Variants in MAP4K4 observed in about 807,000 individuals in gnomAD.
The protein encoded by MAP4K4 is HPK/GCK-like kinase HGK.
In MAP4K4, 38 loss-of-function variants were observed where a neutral mutation model predicts 189.6. That is an observed-to-expected ratio of 0.20 (90% CI 0.15 to 0.26). The LOEUF (loss-of-function observed/expected upper bound fraction) is 0.26. Among genes scored for constraint, MAP4K4 ranks in the 10% least tolerant of loss-of-function variants. The probability of loss-of-function intolerance (pLI) is 1.00; values close to 1 mark genes in which losing one functional copy is unlikely to be tolerated. For missense variants in MAP4K4, 1,054 were observed against 1,726.9 expected (o/e 0.61, Z 6.91); for synonymous variants, 610 against 624.3 (o/e 0.98, Z 0.34).
At chr2:101,886,748 A>G (rs1329242904) in intron 29 of MAP4K4, among the ~76,000 whole-genome samples, 1 of 152,198 alleles carries the variant, frequency 6.6e-6, no homozygotes, top group Non-Finnish European at 1.5e-5. Context: ...ATCTATTAGA[A>G]GTAAGTTCTC....
rs1035720370 is a variant in MAP4K4, at chr2:101,797,823, GT to G, written c.180+7054del. Among the ~76,000 whole-genome samples, 14 of 134,550 alleles carry G rather than the reference GT, an allele frequency of 1.0e-4. No homozygotes were observed. In the East Asian group the frequency reaches 3.2e-3, roughly 30 times the overall value. The allele number at this position is 134,550 out of a possible 152,430, so 88.3% of individuals were successfully genotyped here. A position where few individuals can be genotyped will look rare whatever the true frequency, so the allele number is the denominator to read the frequency against. ...CACTGTATCCTCATATATTACAGCA[GT>G]TTTTTTCAACCTTCCGTTTTTTTGA... On this transcript the variant is annotated intron_variant, in intron 3 of 32. Transcript: ENST00000324219.
At chr2:101,747,117 TTTTG>T (rs903909654) in intron 2 of MAP4K4, among the ~76,000 whole-genome samples, 1 of 152,048 alleles carries the variant, frequency 6.6e-6, no homozygotes, top group African/African-American at 2.4e-5. Context: ...TATTCTTTTT[TTTTG>T]TTTGTTTTGT....
chr2:101,722,637 G>C (rs2052834582), intron 2 of MAP4K4, among the ~76,000 whole-genome samples: 1 of 152,168 alleles, frequency 6.6e-6, no homozygotes, highest in African/African-American at 2.4e-5. Context: ...CTTCCTTTGA[G>C]AGTGTATTGT....
intron 29 of MAP4K4, among the ~76,000 whole-genome samples, chr2:101,886,642 A>G (rs2098485871): frequency 6.6e-6 from 1 of 152,232 alleles, no homozygotes; most frequent in Non-Finnish European, 1.5e-5. Flanking sequence ...CAAAAACGTA[A>G]TAAAGACTAA....
At chr2:101,707,953 G>A (rs1345441859) in intron 2 of MAP4K4, among the ~76,000 whole-genome samples, 4 of 150,982 alleles carry the variant, frequency 2.6e-5, no homozygotes, top group African/African-American at 9.8e-5. Flanking sequence ...CGCCCACCTC[G>A]GCCTCTCTAA....
chr2:101,704,184 G>A (rs1193926062), intron 2 of MAP4K4, among the ~76,000 whole-genome samples: 1 of 152,044 alleles, frequency 6.6e-6, no homozygotes, highest in Non-Finnish European at 1.5e-5. Flanking sequence ...TTCATTAGGA[G>A]GAGATTGTGT....
intron 3 of MAP4K4, among the ~76,000 whole-genome samples, chr2:101,813,479 A>G (rs1183731909): frequency 7.2e-5 from 11 of 152,162 alleles, no homozygotes; most frequent in African/African-American, 2.2e-4. Flanking sequence ...ATTATTTCCA[A>G]TTTAATCACA....
At chr2:101,763,823 T>C (rs1368098547) in intron 2 of MAP4K4, among the ~76,000 whole-genome samples, 1 of 152,180 alleles carries the variant, frequency 6.6e-6, no homozygotes, top group Non-Finnish European at 1.5e-5. Flanking sequence ...ATTTCGGAAA[T>C]GCCTTTAACT....
chr2:101,706,108 G>A (rs1276628233), intron 2 of MAP4K4, among the ~76,000 whole-genome samples: 3 of 152,098 alleles, frequency 2.0e-5, no homozygotes, highest in Non-Finnish European at 4.4e-5. Flanking sequence ...TGATACTAAA[G>A]CGCTCATACC....
chr2:101,886,346 C>T (rs1174717758), intron 29 of MAP4K4, among the ~76,000 whole-genome samples: 2 of 152,046 alleles, frequency 1.3e-5, no homozygotes, highest in Non-Finnish European at 2.9e-5. Flanking sequence ...GCACATACAG[C>T]CTTTTCACCA....
At chr2:101,697,788 C>T (rs1246258675) in exon 1 of MAP4K4, 1 of 145,102 alleles carries the variant, frequency 6.9e-6, no homozygotes, top group Admixed American at 6.8e-5. Flanking sequence ...GGCGCCGGGG[C>T]CTGAGGCGGC....
chr2:101,785,702 CTCTCTCTCTCTCTCTCTCTCTCTCTCT>C (rs1558913930), intron 2 of MAP4K4, among the ~76,000 whole-genome samples: 2 of 4,622 alleles, frequency 4.3e-4, no homozygotes, highest in Non-Finnish European at 3.4e-4. Context: ...CTCTCTCTCT[CTCTCTCTCTCTCTCTCTCTCTCTCTCT>C]CTCTCTCTCT....
At chr2:101,751,043 A>T (rs1462432086) in intron 2 of MAP4K4, among the ~76,000 whole-genome samples, 1 of 151,932 alleles carries the variant, frequency 6.6e-6, no homozygotes, top group Non-Finnish European at 1.5e-5. Context: ...CTGGGAAGGG[A>T]CGTAACCTTT....
intron 3 of MAP4K4, among the ~76,000 whole-genome samples, chr2:101,803,764 A>G (rs2094619114): frequency 6.6e-6 from 1 of 152,214 alleles, no homozygotes; most frequent in African/African-American, 2.4e-5. Flanking sequence ...TTAGAATAAA[A>G]GCTCTGATTG....
At chr2:101,758,189 GTC>G (rs2073922451) in intron 2 of MAP4K4, among the ~76,000 whole-genome samples, 1 of 152,194 alleles carries the variant, frequency 6.6e-6, no homozygotes, top group African/African-American at 2.4e-5. Context: ...TACTACTGTT[GTC>G]TGTCTTATAG....
intron 2 of MAP4K4, among the ~76,000 whole-genome samples, chr2:101,756,447 G>A: frequency 6.6e-6 from 1 of 152,134 alleles, no homozygotes; most frequent in Non-Finnish European, 1.5e-5. Flanking sequence ...AAATACTGTT[G>A]ACATATTATG....
At chr2:101,762,730 C>T (rs1465867758) in intron 2 of MAP4K4, among the ~76,000 whole-genome samples, 2 of 152,208 alleles carry the variant, frequency 1.3e-5, no homozygotes, top group African/African-American at 4.8e-5. Context: ...ACTGTTGTCT[C>T]ACTGGGGCTA....
Position 101,774,020 on chromosome 2 carries a change from C to T in MAP4K4, c.124-16700C>T, listed in dbSNP as rs368270134. Reference sequence around the variant, plus strand: ...CTATTGTGAACAGTGCAGCAACAAACGTGGGAGTGCAGATATCTCTTTGAT... The same window carrying T: ...CTATTGTGAACAGTGCAGCAACAAATGTGGGAGTGCAGATATCTCTTTGAT... On this transcript the variant is annotated intron_variant, in intron 2 of 32. Coordinates refer to ENST00000324219, the Ensembl canonical transcript of MAP4K4. Among the ~76,000 whole-genome samples, 32 of 152,184 alleles carry T rather than the reference C, an allele frequency of 2.1e-4. No individual in the cohort carries two copies. In the East Asian group the frequency reaches 4.4e-3, roughly 21 times the overall value.
rs533855390 is a variant in MAP4K4, at chr2:101,864,132, G to T, written c.2097+81G>T. On this transcript the variant is annotated intron_variant, in intron 17 of 32. Transcript: ENST00000324219. ...TAAAGATTATTTATTTTAATTATGG[G>T]TATGCAACTTGACCAAATTTAAAGG... The T allele has an allele frequency of 5.4e-5, 42 of 780,174 alleles. No individual in the cohort carries two copies. In the South Asian group the frequency reaches 6.9e-4, roughly 13 times the overall value. The allele number at this position is 780,174 out of a possible 1,614,324, so 48.3% of individuals were successfully genotyped here. A position where few individuals can be genotyped will look rare whatever the true frequency, so the allele number is the denominator to read the frequency against.
Sources: gnomAD v4.1 joint callset for allele counts (sites outside exome capture counted in the v4.1 genomes callset) on GRCh38, gnomAD v4.1.1 for gene constraint, MANE v1.5 for transcripts, NCBI Gene and HGNC (gene_info 2026-07-23, HGNC 2026-07-21) for gene names.